Variants in COL4A4 observed in about 807,000 individuals in gnomAD.
COL4A4 encodes the protein collagen type IV alpha 4 chain.
A neutral mutation model predicts 192.9 loss-of-function variants in COL4A4; 105 were observed. The observed-to-expected ratio is 0.54, with a 90% CI of 0.46 to 0.64. The LOEUF is 0.64. Among genes scored for constraint, COL4A4 ranks in the 30% least tolerant of loss-of-function variants. The pLI is 0.00. For missense variants in COL4A4, 1,967 were observed against 2,169.3 expected (o/e 0.91, Z 1.85); for synonymous variants, 762 against 769.9 (o/e 0.99, Z 0.17).
intron 22 of COL4A4, among the ~76,000 whole-genome samples, chr2:227,085,706 G>A (rs1387861446): frequency 6.6e-6 from 1 of 152,140 alleles, no homozygotes; most frequent in Non-Finnish European, 1.5e-5. Flanking sequence ...AACTGAGCAA[G>A]AACTAAGAAC....
downstream of COL4A4, among the ~76,000 whole-genome samples, chr2:227,000,736 C>A (rs1361354770): frequency 6.6e-6 from 1 of 151,638 alleles, no homozygotes; most frequent in Non-Finnish European, 1.5e-5. Context: ...TTGGCTGTGT[C>A]CCCACCCAAA....
intron 25 of COL4A4, among the ~76,000 whole-genome samples, chr2:227,063,220 G>C (rs1917128): frequency 0.65 from 97,902 of 151,626 alleles, 32,159 homozygotes; most frequent in African/African-American, 0.76. Context: ...ATAAGCAGTT[G>C]AGGGTCTGAA....
chr2:227,126,659 A>G (rs1576705917), intron 4 of COL4A4, among the ~76,000 whole-genome samples: 1 of 152,286 alleles, frequency 6.6e-6, no homozygotes, highest in East Asian at 1.9e-4. Context: ...CTACATGATA[A>G]ATTTTTAAAG....
chr2:227,012,782 A>G (rs1028953814), intron 44 of COL4A4, among the ~76,000 whole-genome samples: 1 of 152,232 alleles, frequency 6.6e-6, no homozygotes, highest in Non-Finnish European at 1.5e-5. Flanking sequence ...TGATAGGTGC[A>G]GCAATTTTTT....
chr2:227,032,177 C>G lies in COL4A4; in HGVS notation c.3677G>C (p.Arg1226Pro). ...GSPGISPPGP[R>P]GKKGPPGPPG... is the part of the protein sequence containing the mutation. ...GGGTCCTGGGGGACCTTTCTTTCCACGAGGACCTGGAGGAGAGATTCCTGG... is the reference window on the plus strand; with the variant it reads ...GGGTCCTGGGGGACCTTTCTTTCCAGGAGGACCTGGAGGAGAGATTCCTGG... Residue 1226 changes from arginine (R) to proline (P), a missense_variant, in exon 39 of 48, where the codon CGT becomes CCT. Physicochemically the swap from Arg to Pro is moderately radical, Grantham distance 103 (BLOSUM62 -2). Coordinates refer to ENST00000396625, the MANE Select transcript of COL4A4 (RefSeq NM_000092.5). 2 of 1,614,176 alleles carry G rather than the reference C, an allele frequency of 1.2e-6. No individual in the cohort carries two copies. The highest frequency in any genetic ancestry group is 1.7e-6 in the Non-Finnish European group (2 of 1,180,004).
chr2:227,043,670 G>A (rs1971900452), intron 35 of COL4A4, among the ~76,000 whole-genome samples: 1 of 152,154 alleles, frequency 6.6e-6, no homozygotes, highest in Non-Finnish European at 1.5e-5. Flanking sequence ...ATTCCTAGGA[G>A]TAGAATTTCT....
At chr2:227,046,089 ATGT>A in intron 35 of COL4A4, among the ~76,000 whole-genome samples, 1 of 65,072 alleles carries the variant, frequency 1.5e-5, no homozygotes, top group East Asian at 4.1e-4. Context: ...TTAGATATAT[ATGT>A]ACATATATAT....
chr2:227,033,341 G>T, intron 38 of COL4A4, 69 bp downstream of exon 38: 1 of 1,304,038 alleles, frequency 7.7e-7, no homozygotes, highest in Non-Finnish European at 1.1e-6. Flanking sequence ...AAATACCAGG[G>T]AGGGTACCAC....
rs773445256 is a variant in COL4A4 at position 227,104,022 on chromosome 2, G to A, written c.766C>T (p.Pro256Ser). ...TCAGGTGGCTCTACCAACAGGGTGG[G>A]TCCAGGAGAACCTTGCTGACCAACC... ...GEVGQQGSPG[P>S]TLLVEPPDFC... The change falls in exon 13 of 48, where the codon CCC (proline) becomes TCC (serine). Residue 256 changes from proline to serine, a missense_variant. Coordinates refer to ENST00000396625, the MANE Select transcript of COL4A4 (RefSeq NM_000092.5). 6.2e-7 allele frequency: 1 copy of A among 1,613,182 alleles called. No homozygotes were observed. The highest frequency in any genetic ancestry group is 2.2e-5 in the East Asian group (1 of 44,856).
chr2:227,000,502 A>G (rs889669984), downstream of COL4A4, among the ~76,000 whole-genome samples: 1 of 152,254 alleles, frequency 6.6e-6, no homozygotes, highest in Admixed American at 6.5e-5. Context: ...TGATAAAATT[A>G]TAACCACTAA....
chr2:227,075,782 G>C (rs1488259430), intron 25 of COL4A4, among the ~76,000 whole-genome samples: 1 of 152,074 alleles, frequency 6.6e-6, no homozygotes, highest in African/African-American at 2.4e-5. Flanking sequence ...AGCAACTTCA[G>C]CAAAGTCTCA....
intron 26 of COL4A4, 21 bp from the exon 27 acceptor site, chr2:227,060,264 A>G: frequency 1.3e-6 from 2 of 1,522,282 alleles, no homozygotes; most frequent in Non-Finnish European, 1.8e-6. Flanking sequence ...ATAAAAACAA[A>G]ACACAGACTC....
At chr2:226,990,294 A>G in the COL4A4 span, among the ~76,000 whole-genome samples, 1 of 152,200 alleles carries the variant, frequency 6.6e-6, no homozygotes, top group Non-Finnish European at 1.5e-5. Flanking sequence ...ATGCTAATAA[A>G]GTAACATTCT....
At chr2:227,090,052 C>T (rs960960665) in intron 20 of COL4A4, 95 bp from the exon 21 acceptor site, 17 of 904,918 alleles carry the variant, frequency 1.9e-5, no homozygotes, top group Non-Finnish European at 3.0e-5. Flanking sequence ...CATCCTCCCC[C>T]ACGTGCTTCC....
At chr2:227,094,619 C>T (rs942665136) in intron 19 of COL4A4, among the ~76,000 whole-genome samples, 3 of 152,104 alleles carry the variant, frequency 2.0e-5, no homozygotes, top group African/African-American at 7.2e-5. Context: ...TTCCAGAGAT[C>T]TACTGTACAG....
chr2:227,120,076 T>G (rs1485709444), intron 5 of COL4A4, 137 bp from the exon 6 acceptor site: 1 of 586,002 alleles, frequency 1.7e-6, no homozygotes, highest in Admixed American at 3.4e-5. Flanking sequence ...ACATGATGAG[T>G]CTAAAAGCCA....
rs201853491 is a variant in COL4A4 at position 227,046,089 on chromosome 2, ATG to A, written c.3289+1384_3289+1385del. 3.4e-3 allele frequency among the ~76,000 whole-genome samples: 222 copies of A among 65,070 alleles called. 2 individuals carry two copies. Among genetic ancestry groups the A allele is most frequent in the African/African-American group, 0.015 (212 of 14,464 alleles). 42.7% of individuals were successfully genotyped at this position (65,070 alleles called of 152,430 possible). ...TATACATATATATATTTAGATATATATGTACATATATATATATCTAAATATAT... is the reference window on the plus strand; with the variant it reads ...TATACATATATATATTTAGATATATATACATATATATATATCTAAATATAT... On this transcript the variant is annotated intron_variant, in intron 35 of 47. Transcript: ENST00000396625.
intron 29 of COL4A4, among the ~76,000 whole-genome samples, 174 bp downstream of exon 29, chr2:227,057,265 C>T (rs181163711): frequency 6.6e-6 from 1 of 152,300 alleles, no homozygotes; most frequent in East Asian, 1.9e-4. Flanking sequence ...CCCCATAAGA[C>T]TTGGGTGACA....
At chr2:227,019,340 A>G (rs1471795064) in intron 44 of COL4A4, among the ~76,000 whole-genome samples, 6 of 152,222 alleles carry the variant, frequency 3.9e-5, no homozygotes, top group Non-Finnish European at 7.3e-5. Context: ...GTATGCAACT[A>G]TTTTGGGGAC....
Sources: gnomAD v4.1 joint callset for allele counts (sites outside exome capture counted in the v4.1 genomes callset) on GRCh38, gnomAD v4.1.1 for gene constraint, MANE v1.5 for transcripts, NCBI Gene and HGNC (gene_info 2026-07-23, HGNC 2026-07-21) for gene names.